Variants in NUP188 observed in about 807,000 individuals in gnomAD.
NUP188 encodes the protein nucleoporin NUP188.
A neutral mutation model predicts 223.0 loss-of-function variants in NUP188; 97 were observed. The observed-to-expected ratio is 0.43, with a 90% CI of 0.37 to 0.51. The LOEUF is 0.51. NUP188 is among the 20% of genes least tolerant of loss of function. The pLI is 0.00. For synonymous variants in NUP188, 869 were observed against 828.0 expected, an observed-to-expected ratio of 1.05 and a Z score of -0.85; for missense variants, 1,947 against 2,175.6, an observed-to-expected ratio of 0.89 and a Z score of 2.09.
chr9:128,971,104 A>T, intron 11 of NUP188, 146 bp downstream of exon 11: 1 of 665,048 alleles, frequency 1.5e-6, no homozygotes, highest in South Asian at 1.8e-5. Flanking sequence ...GGCATTATTT[A>T]TAATGTTTAT....
intron 8 of NUP188, among the ~76,000 whole-genome samples, chr9:128,967,258 CT>C (rs1421258081): frequency 2.0e-5 from 3 of 152,220 alleles, no homozygotes; most frequent in Non-Finnish European, 4.4e-5. Flanking sequence ...AGTCCTCCCA[CT>C]TTGGCCTCCC....
In NUP188 at chr9:128,998,707, G is replaced by A. The variant is rs10988172; in HGVS notation, c.3515+84G>A. 6.2e-3 allele frequency: 6,964 copies of A among 1,117,680 alleles called. 35 individuals are homozygous for A. Among genetic ancestry groups the A allele is most frequent in the Middle Eastern group, 0.012 (52 of 4,456 alleles). 69.2% of individuals were successfully genotyped at this position (1,117,680 alleles called of 1,614,324 possible). ...TGCCTTCCTGAAAGGGAGAAATAGT[G>A]GGTGGAAGCTGGGCTGGTTTTCCAT... On this transcript the variant is annotated intron_variant, in intron 32 of 43. Transcript: ENST00000372577.
In NUP188 at chr9:129,002,768, T is replaced by C. The variant is rs931455821; in HGVS notation, c.4138-49T>C. 4 of 1,581,534 alleles carry C rather than the reference T, an allele frequency of 2.5e-6. No homozygotes were observed. In the African/African-American group the frequency reaches 5.4e-5, roughly 21 times the overall value. On this transcript the variant is annotated intron_variant, in intron 36 of 43. Transcript: ENST00000372577. ...CCTTAGTTGCTGTACTACAAGGAGG[T>C]CCTGCCTCTCAGCAGGGTTCCTGAG...
At chr9:129,001,781 G>T in intron 35 of NUP188, 52 bp downstream of exon 35, 3 of 1,603,390 alleles carry the variant, frequency 1.9e-6, no homozygotes, top group Non-Finnish European at 2.6e-6. Context: ...GCCTGGGTGG[G>T]TTCTGACAAT....
chr9:128,966,025 G>T (rs1159084347), intron 8 of NUP188, among the ~76,000 whole-genome samples: 1 of 151,760 alleles, frequency 6.6e-6, no homozygotes, highest in Non-Finnish European at 1.5e-5. Flanking sequence ...TCGAACTCCT[G>T]ACCTCATGAT....
intron 20 of NUP188, 151 bp downstream of exon 20, chr9:128,985,165 A>G (rs1564560450): frequency 1.7e-6 from 1 of 602,210 alleles, no homozygotes; most frequent in Non-Finnish European, 3.0e-6. Flanking sequence ...AACAGTTTCT[A>G]TGTATTGAGT....
At chr9:128,948,301 G>C (rs953288267) in intron 1 of NUP188, 2 of 152,546 alleles carry the variant, frequency 1.3e-5, no homozygotes, top group Admixed American at 6.5e-5. Flanking sequence ...TTCTTGCACT[G>C]AATCAAGTCA....
chr9:129,003,681 C>T, intron 38 of NUP188: 2 of 632,450 alleles, frequency 3.2e-6, no homozygotes, highest in Non-Finnish European at 5.7e-6. Flanking sequence ...TCAGTTAGAT[C>T]TTGGTTCAGA....
chr9:128,990,435 A>G (rs1306187136), intron 25 of NUP188, among the ~76,000 whole-genome samples: 1 of 152,048 alleles, frequency 6.6e-6, no homozygotes, highest in African/African-American at 2.4e-5. Context: ...AATATAGAAA[A>G]AAGGAGAAAA....
chr9:128,956,536 G>A lies in NUP188; in HGVS notation c.246+102G>A, dbSNP rs1024005953. 1.4e-5 allele frequency: 9 copies of A among 624,144 alleles called. No homozygotes were observed. In the South Asian group the frequency reaches 2.0e-4, roughly 14 times the overall value. The allele number at this position is 624,144 out of a possible 1,614,324, so 38.7% of individuals were successfully genotyped here. On this transcript the variant is annotated intron_variant, in intron 4 of 43. Coordinates refer to ENST00000372577, the MANE Select transcript of NUP188 (RefSeq NM_015354.3). The stretch of plus-strand genomic sequence containing the variant: ...AAATTCAGTTTCTTTTTGTTTTGGG[G>A]ATTAAATTGTTTTATAAATACCCAG...
intron 2 of NUP188, among the ~76,000 whole-genome samples, chr9:128,951,094 C>G (rs1376079509): frequency 1.3e-5 from 2 of 151,952 alleles, no homozygotes; most frequent in African/African-American, 2.4e-5. Context: ...GGCGGATCAC[C>G]TGAGGTCAGG....
chr9:128,984,747 G>C (rs1248694902), intron 19 of NUP188, among the ~76,000 whole-genome samples, 153 bp from the exon 20 acceptor site: 2 of 151,924 alleles, frequency 1.3e-5, no homozygotes, highest in Non-Finnish European at 2.9e-5. Flanking sequence ...GTTTACCCTG[G>C]GTACAGAACT....
chr9:128,984,346 G>A (rs938075556), intron 19 of NUP188, among the ~76,000 whole-genome samples: 30 of 151,900 alleles, frequency 2.0e-4, no homozygotes, highest in African/African-American at 5.8e-4. Context: ...GGCTGGTCTC[G>A]AACTCCTGAC....
chr9:129,006,095 A>C lies in NUP188; in HGVS notation c.4915A>C (p.Thr1639Pro). Residue 1639 changes from threonine (T) to proline (P), a missense_variant, in exon 42 of 44, where the codon ACA (threonine) becomes CCA (proline). Thr to Pro is a conservative substitution (Grantham distance 38). This residue lies in a region of NUP188 where 905 missense variants were observed against 990.6 expected (regional missense o/e 0.91). Coordinates refer to ENST00000372577, the MANE Select transcript of NUP188 (RefSeq NM_015354.3). ...CCTCACCCAGGCAGTGGGGCTCAGC[A>C]CACAGGCAGAAGGGACCAGGACGTT... ...EPLTQAVGLS[T>P]QAEGTRTLKS... 6.2e-7 allele frequency: 1 copy of C among 1,614,198 alleles called. No homozygotes were observed. The highest frequency in any genetic ancestry group is 2.2e-5 in the East Asian group (1 of 44,874).
intron 8 of NUP188, among the ~76,000 whole-genome samples, chr9:128,965,461 AT>A (rs912682856): frequency 9.2e-5 from 14 of 151,430 alleles, no homozygotes; most frequent in Non-Finnish European, 1.5e-4. Flanking sequence ...ATTAAAAAAA[AT>A]TTTTTTTTGA....
intron 28 of NUP188, 22 bp from the exon 29 acceptor site, chr9:128,994,834 G>A (rs1277427662): frequency 6.9e-6 from 11 of 1,602,690 alleles, no homozygotes; most frequent in Non-Finnish European, 9.4e-6. Flanking sequence ...TGTGATAATT[G>A]CCTGTTCTGC....
At chr9:128,978,116 A>C (rs916905261) in intron 12 of NUP188, among the ~76,000 whole-genome samples, 2 of 152,154 alleles carry the variant, frequency 1.3e-5, no homozygotes, top group African/African-American at 4.8e-5. Flanking sequence ...ACACTTCTGT[A>C]ACCCAGTGCT....
At chr9:128,996,831 G>GA (rs1039703689) in intron 30 of NUP188, among the ~76,000 whole-genome samples, 15 of 150,034 alleles carry the variant, frequency 1.0e-4, no homozygotes, top group East Asian at 1.9e-4. Context: ...CAAAAGAAAA[G>GA]AAAAAAAAAG....
chr9:128,998,102 A>T, intron 30 of NUP188, 49 bp from the exon 31 acceptor site: 1 of 1,429,092 alleles, frequency 7.0e-7, no homozygotes. Flanking sequence ...CTTGGCCTCT[A>T]AAATCTGGAA....
Sources: gnomAD v4.1 joint callset for allele counts (sites outside exome capture counted in the v4.1 genomes callset) on GRCh38, gnomAD v4.1.1 for gene constraint, gnomAD v4.1.1 regional missense constraint, MANE v1.5 for transcripts, NCBI Gene and HGNC (gene_info 2026-07-23, HGNC 2026-07-21) for gene names.